DPYSL3: variants seen among roughly 807,000 people sequenced by gnomAD.
DPYSL3 encodes the protein dihydropyrimidinase like 3.
Under a neutral mutation model 66.1 loss-of-function variants are expected in DPYSL3, and 16 were observed. The observed-to-expected ratio is 0.24, with a 90% confidence interval of 0.16 to 0.37. The LOEUF (loss-of-function observed/expected upper bound fraction) is 0.37. Among genes scored for constraint, DPYSL3 ranks in the 10% least tolerant of loss-of-function variants. The probability of loss-of-function intolerance (pLI) is 1.00; values close to 1 mark genes in which losing one functional copy is unlikely to be tolerated. For missense variants in DPYSL3, 738 were observed against 916.2 expected (o/e 0.81, Z 2.51); for synonymous variants, 338 against 345.1 (o/e 0.98, Z 0.23).
intron 5 of DPYSL3, 31 bp from the exon 6 acceptor site, chr5:147,412,719 G>T (rs768011890): frequency 1.3e-6 from 2 of 1,591,302 alleles, no homozygotes; most frequent in Non-Finnish European, 1.7e-6. Context: ...TGTCACTCTT[G>T]CAAGCACTTT....
intron 1 of DPYSL3, among the ~76,000 whole-genome samples, chr5:147,465,016 T>A (rs1330448489): frequency 6.6e-6 from 1 of 152,072 alleles, no homozygotes; most frequent in African/African-American, 2.4e-5. Context: ...CTAGCCAACA[T>A]AGCTTTTTCT....
intron 1 of DPYSL3, among the ~76,000 whole-genome samples, chr5:147,487,080 G>C: frequency 6.6e-6 from 1 of 151,976 alleles, no homozygotes; most frequent in Non-Finnish European, 1.5e-5. Flanking sequence ...GCAGCTTCAG[G>C]CTGTTTGCTA....
At chr5:147,435,203 AGGTAAATAGCTGATTT>A (rs1752394462) in intron 1 of DPYSL3, among the ~76,000 whole-genome samples, 1 of 152,362 alleles carries the variant, frequency 6.6e-6, no homozygotes, top group Non-Finnish European at 1.5e-5. Flanking sequence ...AGTGAATCTA[AGGTAAATAGCTGATTT>A]GTACACGTGG....
chr5:147,453,437 C>A, intron 1 of DPYSL3: 1 of 1,380,252 alleles, frequency 7.2e-7, no homozygotes, highest in Non-Finnish European at 9.4e-7. Context: ...GGGTCTCCGT[C>A]CCTCCCCGGG....
intron 1 of DPYSL3, among the ~76,000 whole-genome samples, chr5:147,462,144 T>C (rs2126411518): frequency 6.6e-6 from 1 of 152,260 alleles, no homozygotes; most frequent in East Asian, 1.9e-4. Flanking sequence ...GCTGCTATGA[T>C]ATTTTTCTAG....
intron 1 of DPYSL3, among the ~76,000 whole-genome samples, chr5:147,500,920 A>C (rs933621780): frequency 1.2e-4 from 19 of 152,190 alleles, no homozygotes; most frequent in Admixed American, 4.6e-4. Context: ...GTTTCTTAGA[A>C]AACTAAATGT....
intron 1 of DPYSL3, among the ~76,000 whole-genome samples, chr5:147,474,789 A>G (rs183774938): frequency 1.3e-5 from 2 of 152,210 alleles, no homozygotes; most frequent in Admixed American, 1.3e-4. Flanking sequence ...TTGAGATATA[A>G]CAATACCATA....
chr5:147,489,883 C>G (rs1392160896), intron 1 of DPYSL3, among the ~76,000 whole-genome samples: 1 of 151,750 alleles, frequency 6.6e-6, no homozygotes, highest in Non-Finnish European at 1.5e-5. Flanking sequence ...ATGGGCAAAC[C>G]TTACCATTAT....
At chr5:147,410,748 C>T (rs1355212598) in intron 6 of DPYSL3, among the ~76,000 whole-genome samples, 3 of 152,210 alleles carry the variant, frequency 2.0e-5, no homozygotes, top group Non-Finnish European at 4.4e-5. Context: ...CATATACTCA[C>T]TTTTGAATAA....
At chr5:147,436,672 A>G (rs1752419554) in intron 1 of DPYSL3, among the ~76,000 whole-genome samples, 1 of 152,252 alleles carries the variant, frequency 6.6e-6, no homozygotes, top group Non-Finnish European at 1.5e-5. Context: ...AAGTAAAAGA[A>G]TGTGGTAATT....
At chr5:147,399,040 G>A (rs887668295) in intron 11 of DPYSL3, 42 bp downstream of exon 11, 2 of 1,598,172 alleles carry the variant, frequency 1.3e-6, no homozygotes, top group African/African-American at 1.3e-5. Context: ...TTCCTTGCAT[G>A]CATTCTCCAT....
chr5:147,474,260 A>C (rs967099913), intron 1 of DPYSL3, among the ~76,000 whole-genome samples: 2 of 152,062 alleles, frequency 1.3e-5, no homozygotes, highest in African/African-American at 4.8e-5. Context: ...TAATGACAAA[A>C]TCTGTCATCT....
chr5:147,433,105 C>T (rs1752344310), intron 1 of DPYSL3, among the ~76,000 whole-genome samples: 1 of 152,136 alleles, frequency 6.6e-6, no homozygotes, highest in South Asian at 2.1e-4. Flanking sequence ...TATTTAATGC[C>T]TTCTTCCACA....
In DPYSL3 at chr5:147,509,962, G is replaced by A; in HGVS notation, c.-104C>T. 1 of 1,424,808 alleles carries A rather than the reference G, an allele frequency of 7.0e-7. No individual in the cohort carries two copies. Among genetic ancestry groups the A allele is most frequent in the Non-Finnish European group, 9.2e-7 (1 of 1,090,670 alleles). 88.3% of individuals were successfully genotyped at this position (1,424,808 alleles called of 1,614,324 possible). ...CACAGTGACTGTGGCGGGAGGAGGC[G>A]CCTGAGCCTTCGCGCCAGAGGCGGC... is the stretch of plus-strand genomic sequence containing the variant. On this transcript the variant is annotated 5_prime_UTR_variant, in exon 1 of 14. Transcript: ENST00000343218. This position sits in a 1 kb window ranked among gnomAD's most constrained non-coding sequence, Gnocchi z 5.3.
intron 1 of DPYSL3, among the ~76,000 whole-genome samples, chr5:147,425,683 T>A (rs1561783357): frequency 6.6e-6 from 1 of 152,200 alleles, no homozygotes; most frequent in Admixed American, 6.5e-5. Context: ...TTAAAAACTA[T>A]AACTTAGATG....
chr5:147,438,186 C>G (rs1018109813), intron 1 of DPYSL3, among the ~76,000 whole-genome samples: 1 of 152,108 alleles, frequency 6.6e-6, no homozygotes, highest in Non-Finnish European at 1.5e-5. Context: ...GTCTAAAAAC[C>G]TATACACCCG....
At chr5:147,450,805 G>GCC (rs1362076890) in intron 1 of DPYSL3, among the ~76,000 whole-genome samples, 1 of 152,178 alleles carries the variant, frequency 6.6e-6, no homozygotes, top group Non-Finnish European at 1.5e-5. Flanking sequence ...AAGAAAGACT[G>GCC]CCCCCACTAG....
At position 147,439,242 on chromosome 5, in the gene DPYSL3, T is replaced by G. The variant is rs531256759; in HGVS notation, c.382-14279A>C. Among the ~76,000 whole-genome samples, 9 of 152,176 alleles carry G rather than the reference T, an allele frequency of 5.9e-5. No individual in the cohort carries two copies. In the South Asian group the frequency reaches 1.9e-3, roughly 32 times the overall value. On this transcript the variant is annotated intron_variant, in intron 1 of 13. Transcript: ENST00000343218. ...ATAAATAGCGTAATTTCAACAGTGA[T>G]AAGTGAAATTTAGAAAAAGGATAAG... is the stretch of plus-strand genomic sequence containing the variant.
intron 1 of DPYSL3, among the ~76,000 whole-genome samples, chr5:147,498,013 G>A (rs1753547532): frequency 6.6e-6 from 1 of 151,832 alleles, no homozygotes; most frequent in South Asian, 2.1e-4. Flanking sequence ...TGTCACGGGA[G>A]TTTGTTGCAC....
Sources: allele counts gnomAD v4.1 joint callset (sites outside exome capture counted in the v4.1 genomes callset), GRCh38; gene constraint gnomAD v4.1.1; non-coding constraint Gnocchi (gnomAD v3.1); transcripts MANE v1.5; gene names NCBI Gene and HGNC (gene_info 2026-07-23, HGNC 2026-07-21).